The following MYG1 variants were observed in gnomAD, a reference collection of about 807,000 sequenced individuals.
The protein encoded by MYG1 is UPF0160 protein MYG1, mitochondrial.
A neutral mutation model predicts 43.5 loss-of-function variants in MYG1; 36 were observed. The observed-to-expected ratio is 0.83, with a 90% CI of 0.63 to 1.09. MYG1 has a LOEUF of 1.09. Ranked by LOEUF, MYG1 falls within the 50% of genes least tolerant of loss-of-function variation. The pLI, the probability that MYG1 is intolerant of heterozygous loss-of-function variation, is 0.00. For missense variants in MYG1, 529 were observed against 495.1 expected, an observed-to-expected ratio of 1.07 and a Z score of -0.65; for synonymous variants, 220 against 202.8, an observed-to-expected ratio of 1.08 and a Z score of -0.72.
rs772316209 is a variant in MYG1, at chr12:53,299,706, C to A, written c.-32C>A. ...TGCGCTGGCGCTTCCTCTTCCGGGT[C>A]GGCGCTCCTGCCTCCCTGCAGGGAG... On this transcript the variant is annotated 5_prime_UTR_variant, in exon 1 of 7. Transcript: ENST00000267103. 6.4e-7 allele frequency: 1 copy of A among 1,572,530 alleles called. No individual in the cohort carries two copies. Among genetic ancestry groups the A allele is most frequent in the Non-Finnish European group, 8.7e-7 (1 of 1,155,630 alleles).
chr12:53,304,564 C>T (rs544483011), intron 3 of MYG1, among the ~76,000 whole-genome samples: 7 of 152,220 alleles, frequency 4.6e-5, no homozygotes, highest in South Asian at 4.1e-4. Flanking sequence ...GGATTACAGG[C>T]GTGAGCCACT....
At chr12:53,301,833 C>T (rs1035404653) in intron 2 of MYG1, among the ~76,000 whole-genome samples, 6 of 151,924 alleles carry the variant, frequency 3.9e-5, no homozygotes, top group East Asian at 3.9e-4. Flanking sequence ...AGACTACAGG[C>T]GCCCAGCTAA....
chr12:53,301,178 A>G (rs1944229798), intron 2 of MYG1, among the ~76,000 whole-genome samples: 1 of 152,026 alleles, frequency 6.6e-6, no homozygotes, highest in East Asian at 1.9e-4. Context: ...TTGGCCTCCC[A>G]AAGTGCTGGG....
Position 53,304,861 on chromosome 12 carries a change from G to GTT in MYG1, c.490-1023_490-1022dup, listed in dbSNP as rs71068106. Among the ~76,000 whole-genome samples the GTT allele has an allele frequency of 2.4e-3, 189 of 78,182 alleles. 5 individuals are homozygous for GTT. The East Asian group carries it at 0.035, about 14-fold the overall frequency. 51.3% of individuals were successfully genotyped at this position (78,182 alleles called of 152,430 possible). ...TCCTCCCACCTCAGCCTAAACCCAT[G>GTT]TTTTTTTTTTTTTTTTTTTTTTTTT... On this transcript the variant is annotated intron_variant, in intron 3 of 6. Transcript: ENST00000267103.
intron 2 of MYG1, 142 bp downstream of exon 2, chr12:53,300,404 A>C: frequency 4.8e-6 from 3 of 626,604 alleles, no homozygotes; most frequent in Non-Finnish European, 8.0e-6. Context: ...GGACTACATC[A>C]TCCTTCCGGC....
At position 53,306,799 on chromosome 12, in the gene MYG1, T is replaced by C. The variant is rs141653547; in HGVS notation, c.885T>C (p.Thr295=). The C allele has an allele frequency of 6.2e-6, 10 of 1,614,106 alleles. No homozygotes were observed. In the African/African-American group the frequency reaches 1.1e-4, roughly 17 times the overall value. Residue 295 remains threonine (T), a synonymous_variant, in exon 6 of 7, where the codon ACT becomes ACC. Coordinates refer to ENST00000267103, the MANE Select transcript of MYG1 (RefSeq NM_021640.4). ...TGGCCATCTTCTTTGTTATCTACAC[T>C]GACCAGGCTGGACAGTGGCGAATAC... The part of the protein sequence containing the change: ...PPVAIFFVIY[T]DQAGQWRIQC...
chr12:53,300,738 A>G (rs1592506130), intron 2 of MYG1, among the ~76,000 whole-genome samples: 1 of 152,010 alleles, frequency 6.6e-6, no homozygotes, highest in Non-Finnish European at 1.5e-5. Context: ...TCAAGCCTCT[A>G]CCGCATCAAA....
chr12:53,300,004 G>A, intron 1 of MYG1, 51 bp downstream of exon 1: 1 of 1,601,930 alleles, frequency 6.2e-7, no homozygotes, highest in Non-Finnish European at 8.5e-7. Flanking sequence ...ATGCCTCCGG[G>A]GTGGATGGCA....
In MYG1 at chr12:53,307,032, T is replaced by C. The variant is rs1189134658; in HGVS notation, c.1014T>C (p.Pro338=). The C allele has an allele frequency of 6.2e-7, 1 of 1,614,254 alleles. No individual in the cohort carries two copies. The highest frequency in any genetic ancestry group is 1.1e-5 in the South Asian group (1 of 91,092). ...DEALDQVSGI[P]GCIFVHASGF... is the part of the protein sequence containing the mutation. ...CCCTGGACCAGGTCAGTGGGATCCC[T>C]GGCTGCATCTTCGTCCATGCAAGCG... Residue 338 remains proline, a synonymous_variant, in exon 7 of 7, where the codon CCT becomes CCC. Coordinates refer to ENST00000267103, the MANE Select transcript of MYG1 (RefSeq NM_021640.4).
chr12:53,305,144 A>G (rs1340781461), intron 3 of MYG1, among the ~76,000 whole-genome samples: 1 of 152,048 alleles, frequency 6.6e-6, no homozygotes, highest in Non-Finnish European at 1.5e-5. Flanking sequence ...CTGGGATTAC[A>G]GGCGTGAGCC....
At position 53,299,901 on chromosome 12, in the gene MYG1, A is replaced by T; in HGVS notation, c.164A>T (p.His55Leu). Reference sequence around the variant, plus strand: ...ATCGGGACGCACAATGGCACCTTCCACTGCGACGAGGCACTGGCATGCGCA... The same window carrying T: ...ATCGGGACGCACAATGGCACCTTCCTCTGCGACGAGGCACTGGCATGCGCA... ...PRIGTHNGTF[H>L]CDEALACALL... The change falls in exon 1 of 7, where the codon CAC (histidine) becomes CTC (leucine). Residue 55 changes from histidine to leucine, a missense_variant. His to Leu is a moderately conservative substitution (Grantham distance 99, BLOSUM62 -3). Transcript: ENST00000267103. The T allele has an allele frequency of 6.2e-7, 1 of 1,614,174 alleles. No homozygotes were observed. Among genetic ancestry groups the T allele is most frequent in the Non-Finnish European group, 8.5e-7 (1 of 1,180,024 alleles).
chr12:53,299,881 G>A lies in MYG1; in HGVS notation c.144G>A (p.Gly48=). 1 of 1,614,222 alleles carries A rather than the reference G, an allele frequency of 6.2e-7. No homozygotes were observed. Among genetic ancestry groups the A allele is most frequent in the Non-Finnish European group, 8.5e-7 (1 of 1,180,042 alleles). Residue 48 remains glycine (G), a synonymous_variant, in exon 1 of 7, where the codon GGG becomes GGA. Coordinates refer to ENST00000267103, the MANE Select transcript of MYG1 (RefSeq NM_021640.4). ...AACTCATGGCACCGCCCCGAATCGG[G>A]ACGCACAATGGCACCTTCCACTGCG... ...RSKLMAPPRI[G]THNGTFHCDE... is the part of the protein sequence containing the mutation.
At chr12:53,305,645 A>C in intron 3 of MYG1, 4 of 330,552 alleles carry the variant, frequency 1.2e-5, no homozygotes, top group East Asian at 6.3e-5. Flanking sequence ...TCCCCTCCCT[A>C]CACGTGTTGG....
chr12:53,306,281 C>T lies in MYG1; in HGVS notation c.726C>T (p.Ala242=). ...TCTACCAACACAGCTGGCTGCCAGC[C>T]CGGGCCTTGGTGGAAGAGGCCCTTG... ...LDFYQHSWLP[A]RALVEEALAQ... The change falls in exon 5 of 7, where the codon GCC becomes GCT. Residue 242 remains alanine (A), a synonymous_variant. Transcript: ENST00000267103. 6.2e-7 allele frequency: 1 copy of T among 1,614,240 alleles called. No individual in the cohort carries two copies. The highest frequency in any genetic ancestry group is 8.5e-7 in the Non-Finnish European group (1 of 1,180,044).
intron 3 of MYG1, chr12:53,305,646 C>T (rs994363760): frequency 8.5e-6 from 3 of 353,954 alleles, no homozygotes; most frequent in African/African-American, 6.3e-5. Context: ...CCCCTCCCTA[C>T]ACGTGTTGGC....
chr12:53,301,092 G>A (rs1329101311), intron 2 of MYG1, among the ~76,000 whole-genome samples: 5 of 151,904 alleles, frequency 3.3e-5, no homozygotes, highest in Admixed American at 3.3e-4. Context: ...GCTAATTTTT[G>A]TATTTTTAGT....
intron 4 of MYG1, 26 bp from the exon 5 acceptor site, chr12:53,306,172 A>G (rs1470677052): frequency 6.2e-7 from 1 of 1,613,946 alleles, no homozygotes; most frequent in Middle Eastern, 1.6e-4. Context: ...GGCCAGCATC[A>G]TGGTTCTAAT....
rs753267751 is a variant in MYG1, at chr12:53,300,223, A to ACCCTCGG, written c.290_291insCCCTCGG (p.Glu97AspfsTer12). 2 of 1,603,016 alleles carry ACCCTCGG rather than the reference A, an allele frequency of 1.2e-6. No individual in the cohort carries two copies. ...GACATCGTGGTGGACGTGGGGGGCG[A>ACCCTCGG]GTACGACCCTCGGAGACACCGATAT... On this transcript the variant is annotated frameshift_variant, in exon 2 of 7. Transcript: ENST00000267103. LOFTEE classifies it high-confidence loss of function.
At position 53,305,930 on chromosome 12, in the gene MYG1, A is replaced by T. The variant is rs1212707040; in HGVS notation, c.512A>T (p.Glu171Val). The T allele has an allele frequency of 5.0e-6, 8 of 1,607,928 alleles. No homozygotes were observed. Among genetic ancestry groups the T allele is most frequent in the Non-Finnish European group, 6.8e-6 (8 of 1,177,496 alleles). Residue 171 changes from glutamate (E) to valine (V), a missense_variant, in exon 4 of 7, where the codon GAG (glutamate) becomes GTG (valine). By Grantham distance (121) the Glu-to-Val change is moderately radical. Coordinates refer to ENST00000267103, the MANE Select transcript of MYG1 (RefSeq NM_021640.4). ...YDKMYENFVEEVDAVDNGISQ... is the reference protein window; with the variant it reads ...YDKMYENFVEVVDAVDNGISQ... Reference sequence around the variant, plus strand: ...TAGATGTATGAGAACTTTGTGGAGGAGGTGGATGCTGTGGACAATGGGATC... The same window carrying T: ...TAGATGTATGAGAACTTTGTGGAGGTGGTGGATGCTGTGGACAATGGGATC...
Sources: allele counts gnomAD v4.1 joint callset (sites outside exome capture counted in the v4.1 genomes callset), GRCh38; gene constraint gnomAD v4.1.1; transcripts MANE v1.5; gene names NCBI Gene and HGNC (gene_info 2026-07-23, HGNC 2026-07-21).